ADAM22: variants seen among roughly 807,000 people sequenced by gnomAD.
ADAM22 encodes ADAM metallopeptidase domain 22.
A neutral mutation model predicts 144.6 loss-of-function variants in ADAM22; 65 were observed. The ratio of observed to expected loss-of-function variants is 0.45; its 90% CI spans 0.37 to 0.55. ADAM22 has a LOEUF of 0.55. Among genes scored for constraint, ADAM22 ranks in the 20% least tolerant of loss-of-function variants. The probability of loss-of-function intolerance (pLI) is 0.00; values close to 1 mark genes in which losing one functional copy is unlikely to be tolerated. For synonymous variants in ADAM22, 391 were observed against 412.6 expected, an observed-to-expected ratio of 0.95 and a Z score of 0.63; for missense variants, 974 against 1,184.9, an observed-to-expected ratio of 0.82 and a Z score of 2.61.
intron 2 of ADAM22, among the ~76,000 whole-genome samples, chr7:87,949,870 ATATG>A (rs1844614938): frequency 6.7e-6 from 1 of 149,640 alleles, no homozygotes; most frequent in South Asian, 2.1e-4. Context: ...AGATAATAAA[ATATG>A]TAAGTTTACA....
At chr7:87,973,492 A>G (rs543758533) in intron 2 of ADAM22, among the ~76,000 whole-genome samples, 50 of 152,160 alleles carry the variant, frequency 3.3e-4, no homozygotes, top group African/African-American at 1.1e-3. Context: ...TGTTGGTGGG[A>G]CTGTAAACTA....
At chr7:88,186,738 T>A in intron 30 of ADAM22, 37 bp downstream of exon 30, 1 of 1,284,574 alleles carries the variant, frequency 7.8e-7, no homozygotes, top group Non-Finnish European at 1.1e-6. Context: ...CTTCTCAAAC[T>A]CTCCCAGCAC....
chr7:88,147,632 C>A (rs1004572434), intron 17 of ADAM22, among the ~76,000 whole-genome samples: 1 of 152,190 alleles, frequency 6.6e-6, no homozygotes, highest in Admixed American at 6.5e-5. Context: ...TATTACTTTT[C>A]TTCTCCCATT....
intron 3 of ADAM22, among the ~76,000 whole-genome samples, chr7:87,983,851 A>C (rs1233121912): frequency 2.6e-5 from 4 of 152,030 alleles, no homozygotes; most frequent in African/African-American, 9.7e-5. Context: ...ATTTTATTGA[A>C]TGTTTTTCTA....
rs1174656342 is a variant in ADAM22, at chr7:87,934,361, G to C, written c.-105G>C. ...CCGCAGCACCGGCCGGGGCTGGGTGGAGGTGGCCGCGGGGACCCCGGGGGC... is the reference window on the plus strand; with the variant it reads ...CCGCAGCACCGGCCGGGGCTGGGTGCAGGTGGCCGCGGGGACCCCGGGGGC... On this transcript the variant is annotated 5_prime_UTR_variant, in exon 1 of 32. Coordinates refer to ENST00000413139, the MANE Select transcript of ADAM22 (RefSeq NM_001324418.2). The C allele has an allele frequency of 1.8e-6, 2 of 1,092,266 alleles. No individual in the cohort carries two copies. The highest frequency in any genetic ancestry group is 2.8e-5 in the East Asian group (1 of 36,018). The allele number at this position is 1,092,266 out of a possible 1,614,324, so 67.7% of individuals were successfully genotyped here. A position where few individuals can be genotyped will look rare whatever the true frequency, so the allele number is the denominator to read the frequency against.
At chr7:88,147,429 T>C (rs988258361) in intron 17 of ADAM22, among the ~76,000 whole-genome samples, 2 of 152,244 alleles carry the variant, frequency 1.3e-5, no homozygotes, top group Admixed American at 1.3e-4. Context: ...GTAAATAGTT[T>C]AGGCTTTGTG....
intron 3 of ADAM22, among the ~76,000 whole-genome samples, chr7:88,041,875 G>A (rs1040398807): frequency 6.6e-6 from 1 of 151,980 alleles, no homozygotes; most frequent in African/African-American, 2.4e-5. Context: ...ATTTTGAAAT[G>A]CAATTTTTCT....
intron 2 of ADAM22, among the ~76,000 whole-genome samples, chr7:87,974,415 C>T (rs759131220): frequency 5.3e-5 from 8 of 152,082 alleles, no homozygotes; most frequent in Non-Finnish European, 1.2e-4. Flanking sequence ...TATTGGAAGA[C>T]CACAGAAAAT....
chr7:87,959,692 A>G (rs1407462873), intron 2 of ADAM22, among the ~76,000 whole-genome samples: 1 of 152,216 alleles, frequency 6.6e-6, no homozygotes, highest in East Asian at 1.9e-4. Context: ...CAGGTGATCT[A>G]GAAGAAAGGG....
intron 22 of ADAM22, among the ~76,000 whole-genome samples, chr7:88,156,907 A>G (rs1840115583): frequency 6.6e-6 from 1 of 151,996 alleles, no homozygotes; most frequent in Non-Finnish European, 1.5e-5. Flanking sequence ...AAAAGTCTGT[A>G]ACATGAAAAA....
chr7:88,200,948 G>C lies in ADAM22; in HGVS notation c.*4457G>C, dbSNP rs1027903544. 1 of 152,302 alleles carries C rather than the reference G, an allele frequency of 6.6e-6. No individual in the cohort carries two copies. Among genetic ancestry groups the C allele is most frequent in the Non-Finnish European group, 1.5e-5 (1 of 68,090 alleles). The allele number at this position is 152,302 out of a possible 1,614,324, so 9.4% of individuals were successfully genotyped here. A position where few individuals can be genotyped will look rare whatever the true frequency, so the allele number is the denominator to read the frequency against. The stretch of plus-strand genomic sequence containing the variant: ...GGCTGAGCGGCAGCAGCCCATCCCA[G>C]CTGTGTGTGAGTAGCCCCGCTGTTA... On this transcript the variant is annotated 3_prime_UTR_variant, in exon 32 of 32. Coordinates refer to ENST00000413139, the MANE Select transcript of ADAM22 (RefSeq NM_001324418.2).
At position 87,971,973 on chromosome 7, in the gene ADAM22, G is replaced by A. The variant is rs1174434991; in HGVS notation, c.247-6363G>A. Among the ~76,000 whole-genome samples, 2 of 152,292 alleles carry A rather than the reference G, an allele frequency of 1.3e-5. 1 individual carries two copies. Among genetic ancestry groups the A allele is most frequent in the South Asian group, 4.1e-4 (2 of 4,830 alleles). ...TGGGAGGCCAAGGCGGGTGGATCAC[G>A]AGGTCAGGAGATCGAGACCATCCTG... On this transcript the variant is annotated intron_variant, in intron 2 of 31. Coordinates refer to ENST00000413139, the MANE Select transcript of ADAM22 (RefSeq NM_001324418.2).
intron 2 of ADAM22, among the ~76,000 whole-genome samples, chr7:87,953,042 A>C (rs1204916276): frequency 5.3e-5 from 8 of 151,578 alleles, no homozygotes; most frequent in Admixed American, 1.3e-4. Context: ...TTTCTTTATT[A>C]GTCTTGCTAG....
chr7:88,095,119 G>C (rs1585670524), intron 4 of ADAM22, among the ~76,000 whole-genome samples: 1 of 152,178 alleles, frequency 6.6e-6, no homozygotes, highest in East Asian at 1.9e-4. Flanking sequence ...CAAAGTCTTT[G>C]GTGGCTTCTA....
At chr7:88,017,833 A>G (rs1236397324) in intron 3 of ADAM22, among the ~76,000 whole-genome samples, 2 of 148,058 alleles carry the variant, frequency 1.4e-5, no homozygotes, top group African/African-American at 2.6e-5. Context: ...GTATAAATAC[A>G]TACATATATA....
chr7:88,137,227 T>C (rs1833202495), intron 14 of ADAM22, among the ~76,000 whole-genome samples: 1 of 152,228 alleles, frequency 6.6e-6, no homozygotes, highest in Admixed American at 6.5e-5. Context: ...GTTTGTGAGA[T>C]TTATCCATCC....
At chr7:87,982,670 C>CACATATAT (rs1554373575) in intron 3 of ADAM22, among the ~76,000 whole-genome samples, 2 of 38,110 alleles carry the variant, frequency 5.2e-5, no homozygotes, top group African/African-American at 9.8e-5. Flanking sequence ...TCAGTTATTA[C>CACATATAT]ATATATATAT....
intron 2 of ADAM22, among the ~76,000 whole-genome samples, chr7:87,974,147 C>CA (rs1851278520): frequency 7.1e-6 from 1 of 141,274 alleles, no homozygotes; most frequent in South Asian, 2.3e-4. Context: ...GAAAAAAATA[C>CA]AAAAAAATTA....
In ADAM22 at chr7:88,108,103, A is replaced by G. The variant is rs1050041308; in HGVS notation, c.391-73A>G. 10 of 1,230,238 alleles carry G rather than the reference A, an allele frequency of 8.1e-6. No homozygotes were observed. The Admixed American group carries it at 1.9e-4, about 23-fold the overall frequency. 76.2% of individuals were successfully genotyped at this position (1,230,238 alleles called of 1,614,324 possible). ...AGATGTGGAGGTGCATTGTGAGTAGAAACCTCCTGTGAAATGAAGCAGCTG... is the reference window on the plus strand; with the variant it reads ...AGATGTGGAGGTGCATTGTGAGTAGGAACCTCCTGTGAAATGAAGCAGCTG... On this transcript the variant is annotated intron_variant, in intron 4 of 31. Coordinates refer to ENST00000413139, the MANE Select transcript of ADAM22 (RefSeq NM_001324418.2).
Sources: gnomAD v4.1 joint callset for allele counts (sites outside exome capture counted in the v4.1 genomes callset) on GRCh38, gnomAD v4.1.1 for gene constraint, MANE v1.5 for transcripts, NCBI Gene and HGNC (gene_info 2026-07-23, HGNC 2026-07-21) for gene names.